MAML2: variants seen among roughly 807,000 people sequenced by gnomAD.
The protein encoded by MAML2 is mastermind-like protein 2.
In MAML2, 22 loss-of-function variants were observed where a neutral mutation model predicts 96.1. That is an observed-to-expected ratio of 0.23 (90% CI 0.16 to 0.33). The LOEUF (loss-of-function observed/expected upper bound fraction) is 0.33, where lower values mean the gene tolerates loss of function less well. MAML2 is among the 10% of genes least tolerant of loss of function. MAML2 has a pLI of 1.00. For synonymous variants in MAML2, 561 were observed against 521.3 expected, an observed-to-expected ratio of 1.08 and a Z score of -1.04; for missense variants, 1,367 against 1,392.4, an observed-to-expected ratio of 0.98 and a Z score of 0.29.
chr11:96,202,350 C>CAAAAA (rs3995542), intron 1 of MAML2, among the ~76,000 whole-genome samples: 1 of 107,544 alleles, frequency 9.3e-6, no homozygotes. Flanking sequence ...GACTCCATCT[C>CAAAAA]AAAAAAAAAA....
intron 1 of MAML2, among the ~76,000 whole-genome samples, chr11:96,103,732 C>A (rs1000694507): frequency 6.6e-6 from 1 of 152,104 alleles, no homozygotes; most frequent in Non-Finnish European, 1.5e-5. Context: ...CTGCTTTAAG[C>A]GCGGTAAGCA....
intron 3 of MAML2, among the ~76,000 whole-genome samples, chr11:95,991,206 C>T (rs905678608): frequency 6.6e-6 from 1 of 152,144 alleles, no homozygotes; most frequent in Non-Finnish European, 1.5e-5. Flanking sequence ...GTTTCTGCCC[C>T]TTAAGCCTGG....
At position 96,282,256 on chromosome 11, in the gene MAML2, A is replaced by ATAAT. The variant is rs1565272360; in HGVS notation, c.513+59126_513+59127insATTA. 1.4e-4 allele frequency among the ~76,000 whole-genome samples: 20 copies of ATAAT among 147,918 alleles called. No homozygotes were observed. In the South Asian group the frequency reaches 3.9e-3, roughly 29 times the overall value. ...AGAGCAAGACTCCATCTCAAAAAAAAAATAATAATAATAATAATAATAATG... is the reference window on the plus strand; with the variant it reads ...AGAGCAAGACTCCATCTCAAAAAAAATAATAATAATAATAATAATAATAATAATG... On this transcript the variant is annotated intron_variant, in intron 1 of 4. Transcript: ENST00000524717.
chr11:96,229,280 G>A (rs1367617175), intron 1 of MAML2, among the ~76,000 whole-genome samples: 1 of 151,686 alleles, frequency 6.6e-6, no homozygotes, highest in African/African-American at 2.4e-5. Context: ...AATTTAAAAT[G>A]TTGTTAAACA....
chr11:96,021,714 C>T (rs1200279393), intron 2 of MAML2, among the ~76,000 whole-genome samples: 1 of 152,196 alleles, frequency 6.6e-6, no homozygotes, highest in East Asian at 1.9e-4. Context: ...CCCCTTTCCC[C>T]CATCGTGCAC....
chr11:96,284,888 C>T (rs183930758), intron 1 of MAML2, among the ~76,000 whole-genome samples: 2 of 152,270 alleles, frequency 1.3e-5, no homozygotes, highest in East Asian at 3.9e-4. Context: ...ATTCTAATCA[C>T]TTTAGAAATG....
intron 2 of MAML2, among the ~76,000 whole-genome samples, chr11:96,076,817 C>T (rs539722079): frequency 7.9e-5 from 12 of 152,330 alleles, no homozygotes; most frequent in African/African-American, 2.9e-4. Context: ...TTGCTGCTGT[C>T]TATAAATGAA....
intron 1 of MAML2, among the ~76,000 whole-genome samples, chr11:96,218,598 G>A (rs1232754665): frequency 6.6e-6 from 1 of 152,020 alleles, no homozygotes; most frequent in Non-Finnish European, 1.5e-5. Flanking sequence ...TTTTAAAATG[G>A]AGCATATTTT....
At chr11:96,244,120 G>A (rs1217532170) in intron 1 of MAML2, among the ~76,000 whole-genome samples, 1 of 152,120 alleles carries the variant, frequency 6.6e-6, no homozygotes, top group African/African-American at 2.4e-5. Context: ...TAAAAACTTG[G>A]GGCTGTGCGG....
intron 1 of MAML2, among the ~76,000 whole-genome samples, chr11:96,273,768 G>A (rs950061331): frequency 2.0e-5 from 3 of 152,126 alleles, no homozygotes; most frequent in Non-Finnish European, 4.4e-5. Context: ...TTTGTAGGAT[G>A]CCTGGTATAT....
chr11:96,325,762 A>T (rs1863767691), intron 1 of MAML2, among the ~76,000 whole-genome samples: 1 of 152,160 alleles, frequency 6.6e-6, no homozygotes, highest in South Asian at 2.1e-4. Context: ...GGCACAGAAG[A>T]TGCTGACAAG....
At chr11:96,236,082 A>T (rs967414207) in intron 1 of MAML2, among the ~76,000 whole-genome samples, 2 of 152,208 alleles carry the variant, frequency 1.3e-5, no homozygotes, top group Non-Finnish European at 2.9e-5. Flanking sequence ...CCACTGAAGG[A>T]GCACTTTGAA....
intron 2 of MAML2, among the ~76,000 whole-genome samples, chr11:95,996,402 A>T (rs955729929): frequency 6.6e-6 from 1 of 152,278 alleles, no homozygotes; most frequent in South Asian, 2.1e-4. Context: ...AAACAGATAG[A>T]CTGTGCTAAA....
At chr11:96,260,513 G>C (rs1238627363) in intron 1 of MAML2, among the ~76,000 whole-genome samples, 1 of 152,196 alleles carries the variant, frequency 6.6e-6, no homozygotes, top group Non-Finnish European at 1.5e-5. Flanking sequence ...AGAGGGGTGT[G>C]CTTTTGGGAC....
At position 96,328,349 on chromosome 11, in the gene MAML2, A is replaced by G. The variant is rs79988399; in HGVS notation, c.513+13034T>C. Among the ~76,000 whole-genome samples, 1,436 of 152,314 alleles carry G rather than the reference A, an allele frequency of 9.4e-3. 62 individuals are homozygous for G. Among genetic ancestry groups the G allele is most frequent in the East Asian group, 0.086 (448 of 5,180 alleles). On this transcript the variant is annotated intron_variant, in intron 1 of 4. Transcript: ENST00000524717. ...TCTAAGGTGCTTAGAGGTAACTGAAAAAAATGTCACTATCTTTATGGCTCC... is the reference window on the plus strand; with the variant it reads ...TCTAAGGTGCTTAGAGGTAACTGAAGAAAATGTCACTATCTTTATGGCTCC...
rs551569645 is a variant in MAML2 at position 96,335,575 on chromosome 11, C to T, written c.513+5808G>A. The stretch of plus-strand genomic sequence containing the variant: ...AATGTGTAAATAGCAAGGCATTAAG[C>T]AGCTCAAGGGACTTGAAGATGGGTA... On this transcript the variant is annotated intron_variant, in intron 1 of 4. Transcript: ENST00000524717. 1.4e-4 allele frequency among the ~76,000 whole-genome samples: 21 copies of T among 152,308 alleles called. No individual in the cohort carries two copies. The South Asian group carries it at 3.3e-3, about 24-fold the overall frequency.
In MAML2 at chr11:96,034,432, T is replaced by A. The variant is rs61902491; in HGVS notation, c.2140-42709A>T. ...AAGTGTGTGTGTGTGTGTGTGTGTGTGAGAGAGAGAGAGAGAGAGAGAGAG... is the reference window on the plus strand; with the variant it reads ...AAGTGTGTGTGTGTGTGTGTGTGTGAGAGAGAGAGAGAGAGAGAGAGAGAG... On this transcript the variant is annotated intron_variant, in intron 2 of 4. Transcript: ENST00000524717. Among the ~76,000 whole-genome samples the A allele has an allele frequency of 4.8e-3, 656 of 135,736 alleles. 5 individuals carry two copies. The highest frequency in any genetic ancestry group is 0.015 in the South Asian group (64 of 4,244). The allele number at this position is 135,736 out of a possible 152,430, so 89.0% of individuals were successfully genotyped here. A position where few individuals can be genotyped will look rare whatever the true frequency, so the allele number is the denominator to read the frequency against.
At chr11:96,032,432 CA>C (rs1858631416) in intron 2 of MAML2, among the ~76,000 whole-genome samples, 1 of 151,672 alleles carries the variant, frequency 6.6e-6, no homozygotes, top group Non-Finnish European at 1.5e-5. Flanking sequence ...TACAAAAATA[CA>C]AAAATTAGCC....
chr11:96,079,601 G>A (rs566645117), intron 2 of MAML2, among the ~76,000 whole-genome samples: 1 of 152,228 alleles, frequency 6.6e-6, no homozygotes, highest in African/African-American at 2.4e-5. Context: ...AAAGCACTTG[G>A]CATATAGTAG....
Sources: allele counts gnomAD v4.1 joint callset (sites outside exome capture counted in the v4.1 genomes callset), GRCh38; gene constraint gnomAD v4.1.1; transcripts MANE v1.5; gene names NCBI Gene and HGNC (gene_info 2026-07-23, HGNC 2026-07-21).